RPL13: variants seen among roughly 807,000 people sequenced by gnomAD.
RPL13 encodes the protein large ribosomal subunit protein eL13.
Under a neutral mutation model 21.4 loss-of-function variants are expected in RPL13, and 1 was observed. That is an observed-to-expected ratio of 0.05 (90% confidence interval 0.02 to 0.22). The LOEUF is 0.22. Among genes scored for constraint, RPL13 ranks in the 10% least tolerant of loss-of-function variants. RPL13 has a pLI of 1.00. For missense variants in RPL13, 289 were observed against 303.0 expected, an observed-to-expected ratio of 0.95 and a Z score of 0.34; for synonymous variants, 143 against 120.5, an observed-to-expected ratio of 1.19 and a Z score of -1.23.
At position 89,561,082 on chromosome 16, in the gene RPL13, G is replaced by A; in HGVS notation, c.104+19G>A. The A allele has an allele frequency of 6.3e-7, 1 of 1,592,784 alleles. No individual in the cohort carries two copies. Among genetic ancestry groups the A allele is most frequent in the Non-Finnish European group, 8.5e-7 (1 of 1,172,210 alleles). ...TCCGCAGGTGAGCCCTGCGCTCGGG[G>A]CTGCCCCTGGGGCTCGTGCCCGCGG... On this transcript the variant is annotated intron_variant, in intron 2 of 5. Transcript: ENST00000311528.
chr16:89,565,095 A>T (rs1380430331), downstream of RPL13: 1 of 152,298 alleles, frequency 6.6e-6, no homozygotes, highest in Admixed American at 6.5e-5. Context: ...TTTCACTGAA[A>T]GTCACAGTCT....
downstream of RPL13, chr16:89,564,840 G>C (rs1239535196): frequency 6.7e-6 from 1 of 149,846 alleles, no homozygotes; most frequent in Non-Finnish European, 1.5e-5. Context: ...ACTAGGGGAA[G>C]GGCCTTTCCT....
chr16:89,560,836 C>T, intron 1 of RPL13, 104 bp from the exon 2 acceptor site: 3 of 720,430 alleles, frequency 4.2e-6, no homozygotes, highest in Non-Finnish European at 4.3e-6. Context: ...TGCCCGGGCT[C>T]TAGGCGCGGC....
downstream of RPL13, chr16:89,564,650 G>C (rs937934243): frequency 6.6e-6 from 1 of 152,230 alleles, no homozygotes; most frequent in East Asian, 1.9e-4. Flanking sequence ...GCGAGACTCA[G>C]TCTCAAAAAA....
In RPL13 at chr16:89,562,873, T is replaced by G. The variant is rs968861920; in HGVS notation, c.478-11T>G. The G allele has an allele frequency of 3.9e-6, 6 of 1,533,806 alleles. No individual in the cohort carries two copies. Among genetic ancestry groups the G allele is most frequent in the African/African-American group, 1.4e-5 (1 of 70,618 alleles). On this transcript the variant is annotated splice_polypyrimidine_tract_variant and intron_variant, in intron 5 of 5. Transcript: ENST00000311528. ...TGCATGTGGGTTTAACAACCTGTCT[T>G]TCTCTTCTAGGTCTATAAGAAGGAG...
Position 89,563,262 on chromosome 16 carries a change from TTTTCTTG to T in RPL13, c.*222_*228del. The T allele has an allele frequency of 2.5e-6, 1 of 393,576 alleles. No individual in the cohort carries two copies. 24.4% of individuals were successfully genotyped at this position (393,576 alleles called of 1,614,324 possible). A position where few individuals can be genotyped will look rare whatever the true frequency, so the allele number is the denominator to read the frequency against. ...TTGGTTAGTGACTGATGTAAAACGG[TTTTCTTG>T]TGGGGAGGTTACAGAGGCTGACTTC... is the stretch of plus-strand genomic sequence containing the variant. On this transcript the variant is annotated 3_prime_UTR_variant, in exon 6 of 6. Transcript: ENST00000311528.
downstream of RPL13, chr16:89,566,331 G>C (rs1003927207): frequency 6.6e-6 from 1 of 152,240 alleles, no homozygotes; most frequent in Admixed American, 6.5e-5. Context: ...CGCCTGCCTC[G>C]GTGATGCACC....
chr16:89,562,341 G>C lies in RPL13; in HGVS notation c.427G>C (p.Glu143Gln), dbSNP rs140485395. Residue 143 changes from glutamate to glutamine, a missense_variant, in exon 5 of 6, where the codon GAA becomes CAA. Transcript: ENST00000311528. Reference sequence around the variant, plus strand: ...TCTTCTCATTCACCAACAGGCTGAAGAACTGAAACTGGCCACCCAGCTGAC... The same window carrying C: ...TCTTCTCATTCACCAACAGGCTGAACAACTGAAACTGGCCACCCAGCTGAC... ...APKKGDSSAE[E>Q]LKLATQLTGP... 2 of 1,613,226 alleles carry C rather than the reference G, an allele frequency of 1.2e-6. No homozygotes were observed. Among genetic ancestry groups the C allele is most frequent in the Admixed American group, 1.7e-5 (1 of 59,840 alleles).
rs1387451789 is a variant in RPL13, at chr16:89,562,142, T to C, written c.421-193T>C. ...AGATAACTGTCTCGTGCGTGTTGCGTCAACTCAGTAAGATATAGTCACCTA... is the reference window on the plus strand; with the variant it reads ...AGATAACTGTCTCGTGCGTGTTGCGCCAACTCAGTAAGATATAGTCACCTA... On this transcript the variant is annotated intron_variant, in intron 4 of 5. Transcript: ENST00000311528. 2 of 632,786 alleles carry C rather than the reference T, an allele frequency of 3.2e-6. 1 individual carries two copies. The highest frequency in any genetic ancestry group is 5.5e-6 in the Non-Finnish European group (2 of 361,368). The allele number at this position is 632,786 out of a possible 1,614,324, so 39.2% of individuals were successfully genotyped here.
downstream of RPL13, chr16:89,566,492 T>A (rs1250221068): frequency 2.0e-5 from 3 of 152,222 alleles, no homozygotes; most frequent in African/African-American, 4.8e-5. Context: ...TATTTTTCCT[T>A]TTCTATTTTA....
Position 89,564,442 on chromosome 16 carries a change from G to C in RPL13, c.*1400G>C, listed in dbSNP as rs2058768427. On this transcript the variant is annotated 3_prime_UTR_variant, in exon 6 of 6. Coordinates refer to ENST00000311528, the MANE Select transcript of RPL13 (RefSeq NM_000977.4). ...AAGTTAAGGTGGGCCGGGTGCAGTGGCTCACGCCTGTAATCCTAACACTGG... is the reference window on the plus strand; with the variant it reads ...AAGTTAAGGTGGGCCGGGTGCAGTGCCTCACGCCTGTAATCCTAACACTGG... 1 of 152,258 alleles carries C rather than the reference G, an allele frequency of 6.6e-6. No homozygotes were observed. The highest frequency in any genetic ancestry group is 2.4e-5 in the African/African-American group (1 of 41,456). 9.4% of individuals were successfully genotyped at this position (152,258 alleles called of 1,614,324 possible). A position where few individuals can be genotyped will look rare whatever the true frequency, so the allele number is the denominator to read the frequency against.
chr16:89,562,121 AACT>A, intron 4 of RPL13: 1 of 612,462 alleles, frequency 1.6e-6, no homozygotes, highest in Non-Finnish European at 2.9e-6. Flanking sequence ...ACAGGTAGAT[AACT>A]GTCTCGTGCG....
chr16:89,565,469 C>T (rs1352269838), downstream of RPL13: 1 of 152,272 alleles, frequency 6.6e-6, no homozygotes, highest in African/African-American at 2.4e-5. Context: ...GGAGCAAGAT[C>T]TCCTGATCCA....
chr16:89,566,665 G>A (rs78528593), downstream of RPL13: 1 of 149,160 alleles, frequency 6.7e-6, no homozygotes, highest in Non-Finnish European at 1.5e-5. Flanking sequence ...CCCTATCTCA[G>A]GAAAAAAAAA....
At position 89,561,601 on chromosome 16, in the gene RPL13, G is replaced by A; in HGVS notation, c.270G>A (p.Val90=). ...AGGTGGCCGGCATTCACAAGAAGGT[G>A]GCCCGGACCATCGGCATTTCTGTGG... ...ELRVAGIHKK[V]ARTIGISVDP... The change falls in exon 4 of 6, where the codon GTG becomes GTA. Residue 90 remains valine, a synonymous_variant. Transcript: ENST00000311528. The A allele has an allele frequency of 6.2e-7, 1 of 1,613,646 alleles. No individual in the cohort carries two copies.
rs969244368 is a variant in RPL13 at position 89,561,218 on chromosome 16, C to G, written c.105-9C>G. Reference sequence around the variant, plus strand: ...CAAGGGTGACCGCCGCTGCGCTTCTCTCCACCAGACGTAAGGCCCGGCAAG... The same window carrying G: ...CAAGGGTGACCGCCGCTGCGCTTCTGTCCACCAGACGTAAGGCCCGGCAAG... On this transcript the variant is annotated splice_polypyrimidine_tract_variant and intron_variant, in intron 2 of 5. Transcript: ENST00000311528. The G allele has an allele frequency of 1.9e-6, 3 of 1,540,490 alleles. No homozygotes were observed. The highest frequency in any genetic ancestry group is 2.6e-6 in the Non-Finnish European group (3 of 1,147,592).
At chr16:89,561,167 C>A in intron 2 of RPL13, 60 bp from the exon 3 acceptor site, 1 of 1,512,024 alleles carries the variant, frequency 6.6e-7, no homozygotes, top group South Asian at 1.3e-5. Flanking sequence ...GCAACCGTCG[C>A]GGAGCGCTGG....
rs562672284 is a variant in RPL13 at position 89,561,491 on chromosome 16, T to C, written c.247-87T>C. 11 of 1,612,262 alleles carry C rather than the reference T, an allele frequency of 6.8e-6. No homozygotes were observed. In the African/African-American group the frequency reaches 9.3e-5, roughly 14 times the overall value. On this transcript the variant is annotated intron_variant, in intron 3 of 5. Transcript: ENST00000311528. ...TGATGAAAGCACATTTGAACCCTTTTCCATCTGATTGCTGAGGCTTTTCAT... is the reference window on the plus strand; with the variant it reads ...TGATGAAAGCACATTTGAACCCTTTCCCATCTGATTGCTGAGGCTTTTCAT...
chr16:89,560,732 G>C lies in RPL13; in HGVS notation c.-21+20G>C, dbSNP rs944204773. The C allele has an allele frequency of 1.0e-5, 5 of 500,832 alleles. No homozygotes were observed. The highest frequency in any genetic ancestry group is 8.2e-5 in the South Asian group (3 of 36,648). The allele number at this position is 500,832 out of a possible 1,614,324, so 31.0% of individuals were successfully genotyped here. On this transcript the variant is annotated intron_variant, in intron 1 of 5. Transcript: ENST00000311528. ...CAGGAGGTGAGGGAGACTGGGTCCT[G>C]GCCTTTGGGCATCATCCAGCGCCAT...
Sources: gnomAD v4.1 joint callset for allele counts on GRCh38, gnomAD v4.1.1 for gene constraint, MANE v1.5 for transcripts, NCBI Gene and HGNC (gene_info 2026-07-23, HGNC 2026-07-21) for gene names.